The following NRG1 variants were observed in gnomAD, a reference collection of about 807,000 sequenced individuals.
The protein encoded by NRG1 is neuregulin 1, also known as pro-neuregulin-1, membrane-bound isoform.
NRG1 carries 18 observed loss-of-function variants against 63.8 expected under a neutral mutation model. That is an observed-to-expected ratio of 0.28 (90% CI 0.19 to 0.42). NRG1 has a LOEUF of 0.42. Among genes scored for constraint, NRG1 ranks in the 10% least tolerant of loss-of-function variants. The pLI, the probability that NRG1 is intolerant of heterozygous loss-of-function variation, is 1.00. For missense variants in NRG1, 762 were observed against 814.7 expected, an observed-to-expected ratio of 0.94 and a Z score of 0.79; for synonymous variants, 302 against 301.3, an observed-to-expected ratio of 1.00 and a Z score of -0.02.
intron 1 of NRG1, among the ~76,000 whole-genome samples, chr8:32,250,022 T>C (rs1848939792): frequency 1.3e-5 from 2 of 152,064 alleles, no homozygotes; most frequent in South Asian, 4.1e-4. Context: ...TTTGGGCCTT[T>C]GCATTAGTTG....
intron 1 of NRG1, among the ~76,000 whole-genome samples, chr8:31,920,031 T>C (rs1265979010): frequency 6.6e-6 from 1 of 152,160 alleles, no homozygotes; most frequent in East Asian, 1.9e-4. Flanking sequence ...ACTATTTGGG[T>C]TGTTATATAC....
intron 1 of NRG1, among the ~76,000 whole-genome samples, chr8:32,018,052 T>C (rs903608239): frequency 6.6e-6 from 1 of 152,152 alleles, no homozygotes; most frequent in Non-Finnish European, 1.5e-5. Flanking sequence ...AATATGAAAA[T>C]ATATCATTTT....
chr8:32,333,072 T>C (rs977903523), intron 1 of NRG1, among the ~76,000 whole-genome samples: 1 of 152,186 alleles, frequency 6.6e-6, no homozygotes, highest in African/African-American at 2.4e-5. Flanking sequence ...ATAACCATTT[T>C]TTTAAAGAAG....
intron 1 of NRG1, among the ~76,000 whole-genome samples, chr8:32,404,072 C>T (rs555824912): frequency 3.4e-4 from 52 of 152,214 alleles, no homozygotes; most frequent in African/African-American, 1.3e-3. Flanking sequence ...AGATTTTGGA[C>T]CAGCAGTGGG....
intron 1 of NRG1, among the ~76,000 whole-genome samples, chr8:32,043,386 T>C (rs1820407047): frequency 6.6e-6 from 1 of 151,798 alleles, no homozygotes; most frequent in Admixed American, 6.6e-5. Flanking sequence ...ATTCTCAGAT[T>C]AAAAACAAAA....
chr8:32,735,167 G>T (rs576287104), intron 6 of NRG1, among the ~76,000 whole-genome samples: 7 of 152,230 alleles, frequency 4.6e-5, no homozygotes, highest in African/African-American at 1.7e-4. Flanking sequence ...ATATTTCATT[G>T]TGTATATATA....
At chr8:32,703,423 T>C (rs1264549898) in intron 5 of NRG1, among the ~76,000 whole-genome samples, 1 of 5,536 alleles carries the variant, frequency 1.8e-4, no homozygotes, top group Non-Finnish European at 1.2e-3. Context: ...TAATGATGTT[T>C]TTTTTTTTTT....
chr8:32,579,219 G>GT (rs1840216175), intron 1 of NRG1, among the ~76,000 whole-genome samples: 1 of 108,836 alleles, frequency 9.2e-6, no homozygotes, highest in Non-Finnish European at 2.0e-5. Context: ...TTTTTTTTTG[G>GT]ATACTATTGC....
rs548133466 is a variant in NRG1, at chr8:31,730,211, C to T, written c.37+90780C>T. ...AAACCTCAATAATTATTTCTGTAAC[C>T]AAGATTCTGATAATTGTTGAGGAAG... On this transcript the variant is annotated intron_variant, in intron 1 of 10. Coordinates refer to the NRG1 transcript ENST00000519301. 2.6e-5 allele frequency among the ~76,000 whole-genome samples: 4 copies of T among 152,202 alleles called. No individual in the cohort carries two copies. The South Asian group carries it at 6.2e-4, about 24-fold the overall frequency.
At chr8:31,737,950 CT>C (rs1814858103) in intron 1 of NRG1, among the ~76,000 whole-genome samples, 1 of 152,112 alleles carries the variant, frequency 6.6e-6, no homozygotes, top group Admixed American at 6.6e-5. Context: ...TTTTTCATTT[CT>C]TTTGAACTTA....
chr8:32,356,944 T>C (rs1278302385), intron 1 of NRG1, among the ~76,000 whole-genome samples: 9 of 152,236 alleles, frequency 5.9e-5, no homozygotes, highest in South Asian at 2.1e-4. Context: ...GGGAAAGGTC[T>C]GTTGGTGAAA....
At chr8:32,480,907 G>A in intron 1 of NRG1, among the ~76,000 whole-genome samples, 1 of 152,098 alleles carries the variant, frequency 6.6e-6, no homozygotes, top group Non-Finnish European at 1.5e-5. Flanking sequence ...ACCTCCCACT[G>A]GGCCCCACTT....
intron 5 of NRG1, among the ~76,000 whole-genome samples, chr8:32,720,399 A>G (rs1479071184): frequency 6.6e-6 from 1 of 152,186 alleles, no homozygotes; most frequent in Non-Finnish European, 1.5e-5. Flanking sequence ...TAAGCCAGTC[A>G]GATGGCCTGC....
chr8:31,725,139 A>T (rs1448011599), intron 1 of NRG1, among the ~76,000 whole-genome samples: 1 of 152,190 alleles, frequency 6.6e-6, no homozygotes, highest in Non-Finnish European at 1.5e-5. Context: ...CTGTATAAAA[A>T]CATGTAGATT....
chr8:31,649,151 C>A (rs961693175), intron 1 of NRG1, among the ~76,000 whole-genome samples: 3 of 152,074 alleles, frequency 2.0e-5, no homozygotes, highest in African/African-American at 7.2e-5. Context: ...AATGGGGTTT[C>A]ACCATGTTGG....
At chr8:32,263,536 G>A (rs138721363) in intron 1 of NRG1, among the ~76,000 whole-genome samples, 23 of 152,172 alleles carry the variant, frequency 1.5e-4, no homozygotes, top group East Asian at 7.7e-4. Flanking sequence ...GTCTTGCTAC[G>A]TTTGCTTTGT....
chr8:32,305,296 A>AT (rs1174028930), intron 1 of NRG1, among the ~76,000 whole-genome samples: 1 of 152,154 alleles, frequency 6.6e-6, no homozygotes, highest in Non-Finnish European at 1.5e-5. Context: ...TTTATGAAGA[A>AT]TTTTTGCGTT....
chr8:32,106,160 G>C (rs1456124740), intron 1 of NRG1, among the ~76,000 whole-genome samples: 3 of 152,178 alleles, frequency 2.0e-5, no homozygotes, highest in African/African-American at 7.2e-5. Flanking sequence ...GTGGAATCTT[G>C]CCTGTGTCTC....
At chr8:31,860,138 G>T (rs1158222713) in intron 1 of NRG1, among the ~76,000 whole-genome samples, 1 of 152,178 alleles carries the variant, frequency 6.6e-6, no homozygotes, top group Non-Finnish European at 1.5e-5. Flanking sequence ...CCATATATAG[G>T]TTTGCAAAAC....
Sources: allele counts gnomAD v4.1 joint callset (sites outside exome capture counted in the v4.1 genomes callset), GRCh38; gene constraint gnomAD v4.1.1; transcripts MANE v1.5; gene names NCBI Gene and HGNC (gene_info 2026-07-23, HGNC 2026-07-21).